WT1: variants seen among roughly 807,000 people sequenced by gnomAD.
WT1 encodes the protein Wilms tumor protein.
Under a neutral mutation model 60.8 loss-of-function variants are expected in WT1, and 8 were observed. That is an observed-to-expected ratio of 0.13 (90% CI 0.08 to 0.24). The LOEUF (loss-of-function observed/expected upper bound fraction) is 0.24. Ranked by LOEUF, WT1 falls within the 10% of genes least tolerant of loss-of-function variation. The pLI is 1.00. For synonymous variants in WT1, 312 were observed against 297.1 expected (o/e 1.05, Z -0.52); for missense variants, 568 against 711.8 (o/e 0.80, Z 2.30).
At chr11:32,410,483 T>C (rs1852462297) in intron 5 of WT1, among the ~76,000 whole-genome samples, 2 of 152,196 alleles carry the variant, frequency 1.3e-5, no homozygotes, top group Non-Finnish European at 2.9e-5. Flanking sequence ...TTCCGTCTAA[T>C]ATATTTAGAG....
intron 7 of WT1, among the ~76,000 whole-genome samples, chr11:32,393,726 G>A (rs1358970548): frequency 2.0e-5 from 3 of 152,264 alleles, no homozygotes; most frequent in Non-Finnish European, 2.9e-5. Flanking sequence ...AGTCTCCTGG[G>A]TGTCTCCTTC....
At chr11:32,434,155 G>A (rs1229911177) in intron 1 of WT1, among the ~76,000 whole-genome samples, 1 of 152,232 alleles carries the variant, frequency 6.6e-6, no homozygotes, top group Non-Finnish European at 1.5e-5. Context: ...AGTTCTCTAC[G>A]ATACTTAATG....
chr11:32,435,331 AGCCGGGTCCT>A lies in WT1; in HGVS notation c.20_29del (p.Gln7LeufsTer39), dbSNP rs1853483326. On this transcript the variant is annotated frameshift_variant, in exon 1 of 10. Transcript: ENST00000452863. LOFTEE classifies it high-confidence loss of function. ...ACGCCGGCTCCGGGACACACGTGGAAGCCGGGTCCTGCAGCAAGAGGAAGTCCAGGATCGC... is the reference window on the plus strand; with the variant it reads ...ACGCCGGCTCCGGGACACACGTGGAAGCAGCAAGAGGAAGTCCAGGATCGC... 1.3e-6 allele frequency: 2 copies of A among 1,531,526 alleles called. No individual in the cohort carries two copies. The highest frequency in any genetic ancestry group is 4.9e-5 in the East Asian group (2 of 40,738). 94.9% of individuals were successfully genotyped at this position (1,531,526 alleles called of 1,614,324 possible).
rs922215813 is a variant in WT1, at chr11:32,424,022, C to T, written c.887+3934G>A. ...CTAAAAATACAAAAAATTAGCCAGG[C>T]GTGGTGGCACATGCCTGTAGTCCCA... On this transcript the variant is annotated intron_variant, in intron 3 of 9. Transcript: ENST00000452863. Among the ~76,000 whole-genome samples, 8 of 152,160 alleles carry T rather than the reference C, an allele frequency of 5.3e-5. No homozygotes were observed. The South Asian group carries it at 8.3e-4, about 16-fold the overall frequency.
At chr11:32,402,660 T>G (rs1188344047) in intron 5 of WT1, among the ~76,000 whole-genome samples, 1 of 152,224 alleles carries the variant, frequency 6.6e-6, no homozygotes, top group Admixed American at 6.5e-5. Flanking sequence ...TTCCTCCTGC[T>G]TCCATCTCCC....
At chr11:32,432,753 G>C (rs72893525) in intron 1 of WT1, among the ~76,000 whole-genome samples, 2 of 152,130 alleles carry the variant, frequency 1.3e-5, no homozygotes, top group East Asian at 1.9e-4. Context: ...CACCCCCCAC[G>C]ACATGTGATA....
intron 9 of WT1, among the ~76,000 whole-genome samples, chr11:32,391,044 T>C (rs959656318): frequency 2.4e-4 from 36 of 152,276 alleles, no homozygotes; most frequent in Admixed American, 9.2e-4. Context: ...AGTGGTGGGA[T>C]CACAGCTCAC....
At chr11:32,428,878 C>T in intron 1 of WT1, 1 of 562,378 alleles carries the variant, frequency 1.8e-6, no homozygotes, top group Non-Finnish European at 3.2e-6. Context: ...TTATTTATGC[C>T]GCAGTCTTCT....
At chr11:32,418,812 G>C (rs1852762220) in intron 3 of WT1, among the ~76,000 whole-genome samples, 1 of 152,196 alleles carries the variant, frequency 6.6e-6, no homozygotes, top group Non-Finnish European at 1.5e-5. Flanking sequence ...CGCATAGCGT[G>C]ATAAATCATG....
Position 32,428,498 on chromosome 11 carries a change from C to T in WT1, c.783G>A (p.Leu261=), listed in dbSNP as rs2133074898. 1 of 1,614,086 alleles carries T rather than the reference C, an allele frequency of 6.2e-7. No homozygotes were observed. Among genetic ancestry groups the T allele is most frequent in the Non-Finnish European group, 8.5e-7 (1 of 1,180,018 alleles). Residue 261 remains leucine (L), a splice_region_variant and synonymous_variant, in exon 2 of 10, where the codon CTG becomes CTA. Coordinates refer to ENST00000452863, the MANE Select transcript of WT1 (RefSeq NM_024426.6). Reference sequence around the variant, plus strand: ...CTCCACTTGGTTCCGCTCGCTTACCCAGCGAGCCCTGCTGGCCCATGGGAT... The same window carrying T: ...CTCCACTTGGTTCCGCTCGCTTACCTAGCGAGCCCTGCTGGCCCATGGGAT...
chr11:32,434,752 G>A lies in WT1; in HGVS notation c.609C>T (p.Asn203=), dbSNP rs2234583. The change falls in exon 1 of 10, where the codon AAC becomes AAT. Residue 203 remains asparagine (N), a synonymous_variant. Coordinates refer to ENST00000452863, the MANE Select transcript of WT1 (RefSeq NM_024426.6). Reference sequence around the variant, plus strand: ...CGAGGCAGCTGGGCAGGTAGGGCGCGTTAGGAAACATCCTGGCCTGGCCGG... The same window carrying A: ...CGAGGCAGCTGGGCAGGTAGGGCGCATTAGGAAACATCCTGGCCTGGCCGG... 123,520 of 1,612,768 alleles carry A rather than the reference G, an allele frequency of 0.077. 6,857 individuals carry two copies. The highest frequency in any genetic ancestry group is 0.29 in the African/African-American group (21,612 of 75,026).
At chr11:32,425,420 T>A (rs1392261799) in intron 3 of WT1, among the ~76,000 whole-genome samples, 1 of 152,068 alleles carries the variant, frequency 6.6e-6, no homozygotes, top group African/African-American at 2.4e-5. Flanking sequence ...TTTAGTCCTA[T>A]TTTTTATGCT....
chr11:32,422,914 T>G (rs1852900363), intron 3 of WT1, among the ~76,000 whole-genome samples: 1 of 152,194 alleles, frequency 6.6e-6, no homozygotes, highest in African/African-American at 2.4e-5. Context: ...CTAGAATGCC[T>G]AAAAGAAACA....
intron 1 of WT1, among the ~76,000 whole-genome samples, chr11:32,433,581 C>T (rs1362228734): frequency 6.6e-6 from 1 of 152,232 alleles, no homozygotes; most frequent in East Asian, 1.9e-4. Flanking sequence ...AAGCATCCGC[C>T]ATTGTATTAG....
At position 32,435,180 on chromosome 11, in the gene WT1, G is replaced by T. The variant is rs2234581; in HGVS notation, c.181C>A (p.Arg61=). ...GACCCGGACGCCCCGCGGCTCCTCC[G>T]GCCCTGGAGACGTTCAGCGCTGGCC... is the stretch of plus-strand genomic sequence containing the variant. Residue 61 remains arginine, a synonymous_variant, in exon 1 of 10, where the codon CGG becomes AGG. Coordinates refer to ENST00000452863, the MANE Select transcript of WT1 (RefSeq NM_024426.6). The T allele has an allele frequency of 1.4e-3, 2,066 of 1,521,766 alleles. 44 individuals are homozygous for T. The Admixed American group carries it at 0.036, about 26-fold the overall frequency. The allele number at this position is 1,521,766 out of a possible 1,614,324, so 94.3% of individuals were successfully genotyped here.
At position 32,399,885 on chromosome 11, in the gene WT1, G is replaced by A. The variant is rs1590344946; in HGVS notation, c.1113+63C>T. 1.7e-5 allele frequency: 27 copies of A among 1,566,766 alleles called. No homozygotes were observed. The East Asian group carries it at 6.1e-4, about 35-fold the overall frequency. On this transcript the variant is annotated intron_variant, in intron 6 of 9. Coordinates refer to ENST00000452863, the MANE Select transcript of WT1 (RefSeq NM_024426.6). ...AAGAGTCCATCAGTAAGGAACTAAA[G>A]GGCCGGTAAGTAGGAAGAGGCAGTG...
At chr11:32,428,888 T>C (rs1359239538) in intron 1 of WT1, 3 of 535,164 alleles carry the variant, frequency 5.6e-6, no homozygotes, top group East Asian at 3.4e-5. Context: ...CGCAGTCTTC[T>C]ACGGTCTCTG....
intron 8 of WT1, 74 bp from the exon 9 acceptor site, chr11:32,392,138 G>T: frequency 7.5e-7 from 1 of 1,339,102 alleles, no homozygotes; most frequent in Non-Finnish European, 1.1e-6. Flanking sequence ...CTGACTTCCG[G>T]CAGCTGGAGG....
intron 7 of WT1, among the ~76,000 whole-genome samples, chr11:32,395,380 A>G (rs1851935161): frequency 6.6e-6 from 1 of 152,150 alleles, no homozygotes; most frequent in African/African-American, 2.4e-5. Flanking sequence ...AAACAATGCC[A>G]GTTCTCTGTT....
Sources: allele counts gnomAD v4.1 joint callset (sites outside exome capture counted in the v4.1 genomes callset), GRCh38; gene constraint gnomAD v4.1.1; transcripts MANE v1.5; gene names NCBI Gene and HGNC (gene_info 2026-07-23, HGNC 2026-07-21).